The following XYLT2 variants were observed in gnomAD, a reference collection of about 807,000 sequenced individuals.
The protein encoded by XYLT2 is UDP-D-xylose:proteoglycan core protein beta-D-xylosyltransferase.
Under a neutral mutation model 82.6 loss-of-function variants are expected in XYLT2, and 37 were observed. The observed-to-expected ratio is 0.45, with a 90% CI of 0.34 to 0.59. XYLT2 has a LOEUF of 0.59. Among genes scored for constraint, XYLT2 ranks in the 20% least tolerant of loss-of-function variants. The pLI is 0.01. For missense variants in XYLT2, 934 were observed against 1,181.3 expected, an observed-to-expected ratio of 0.79 and a Z score of 3.07; for synonymous variants, 474 against 499.0, an observed-to-expected ratio of 0.95 and a Z score of 0.67.
rs542462503 is a variant in XYLT2, at chr17:50,356,751, C to G, written c.1723C>G (p.Pro575Ala). ...SLHHAATAAP[P>A]MGTPLCRFEP... ...GCACCATGCCGCCACTGCTGCACCC[C>G]CAATGGGCACCCCACTCTGCAGGTG... Residue 575 changes from proline (P) to alanine (A), a missense_variant, in exon 8 of 11, where the codon CCA becomes GCA. By Grantham distance (27) the Pro-to-Ala change is conservative. Transcript: ENST00000017003. 6.2e-7 allele frequency: 1 copy of G among 1,604,634 alleles called. No individual in the cohort carries two copies. Among genetic ancestry groups the G allele is most frequent in the East Asian group, 2.2e-5 (1 of 44,866 alleles).
rs1912069045 is a variant in XYLT2, at chr17:50,346,976, T to C, written c.135+701T>C. On this transcript the variant is annotated intron_variant, in intron 1 of 10. Transcript: ENST00000017003. This position sits in a 1 kb window ranked among gnomAD's most constrained non-coding sequence, Gnocchi z 5.1. ...ACCTTAGGGAATTAGGGAGGGGCCC[T>C]CTGGCTTTAAGGGAATGGGGACTGT... is the stretch of plus-strand genomic sequence containing the variant. 5.1e-6 allele frequency: 5 copies of C among 977,372 alleles called. No individual in the cohort carries two copies. The highest frequency in any genetic ancestry group is 6.1e-6 in the Non-Finnish European group (5 of 822,738). 60.5% of individuals were successfully genotyped at this position (977,372 alleles called of 1,614,324 possible). A position where few individuals can be genotyped will look rare whatever the true frequency, so the allele number is the denominator to read the frequency against.
chr17:50,360,613 G>T lies in XYLT2; in HGVS notation c.*322G>T. 3.7e-6 allele frequency: 4 copies of T among 1,078,588 alleles called. No individual in the cohort carries two copies. The highest frequency in any genetic ancestry group is 4.5e-6 in the Non-Finnish European group (4 of 891,664). The allele number at this position is 1,078,588 out of a possible 1,614,324, so 66.8% of individuals were successfully genotyped here. ...TTTAATTTAAAAAGGAAAATGGGTGGTTGGGAGAGAAACTAGAACAGAAGA... is the reference window on the plus strand; with the variant it reads ...TTTAATTTAAAAAGGAAAATGGGTGTTTGGGAGAGAAACTAGAACAGAAGA... On this transcript the variant is annotated 3_prime_UTR_variant, in exon 11 of 11. Transcript: ENST00000017003.
intron 1 of XYLT2, among the ~76,000 whole-genome samples, chr17:50,353,016 G>C (rs182235498): frequency 8.5e-5 from 13 of 152,304 alleles, no homozygotes; most frequent in African/African-American, 3.1e-4. Context: ...CGTTCACAGG[G>C]GTACCCGCAG....
At chr17:50,349,531 T>C (rs1912168105) in intron 1 of XYLT2, among the ~76,000 whole-genome samples, 1 of 152,146 alleles carries the variant, frequency 6.6e-6, no homozygotes, top group Non-Finnish European at 1.5e-5. Flanking sequence ...GGAGAAGCGC[T>C]TGAGTCCAGG....
chr17:50,357,989 T>C, intron 9 of XYLT2: 1 of 570,940 alleles, frequency 1.8e-6, no homozygotes, highest in South Asian at 2.4e-5. Flanking sequence ...GGGACTGACC[T>C]CCACTGCCTA....
At chr17:50,351,121 G>A (rs1341094798) in intron 1 of XYLT2, among the ~76,000 whole-genome samples, 2 of 152,160 alleles carry the variant, frequency 1.3e-5, no homozygotes, top group East Asian at 1.9e-4. Context: ...TTTGGAGCAG[G>A]GGAGTGGTGA....
At chr17:50,350,995 C>T (rs1230630436) in intron 1 of XYLT2, among the ~76,000 whole-genome samples, 1 of 152,008 alleles carries the variant, frequency 6.6e-6, no homozygotes, top group Non-Finnish European at 1.5e-5. Context: ...TGACAAATTC[C>T]CAGATGAGGT....
At position 50,354,357 on chromosome 17, in the gene XYLT2, C is replaced by T. The variant is rs746664982; in HGVS notation, c.629-51C>T. ...GCAGCTCCCTCTTCCCATCTCACCC[C>T]CACCCTGTGACCTAGGGTGGGCCTC... is the stretch of plus-strand genomic sequence containing the variant. On this transcript the variant is annotated intron_variant, in intron 2 of 10. Coordinates refer to ENST00000017003, the MANE Select transcript of XYLT2 (RefSeq NM_022167.4). 46 of 1,547,730 alleles carry T rather than the reference C, an allele frequency of 3.0e-5. 1 individual carries two copies. The highest frequency in any genetic ancestry group is 5.2e-6 in the Non-Finnish European group (6 of 1,149,086).
chr17:50,346,634 C>T lies in XYLT2; in HGVS notation c.135+359C>T, dbSNP rs1313556332. The stretch of plus-strand genomic sequence containing the variant: ...CCGAACCTGCTCGGAGGTGGGGAGC[C>T]CCAGGCCAAACTTTCTGAAGTTGGG... On this transcript the variant is annotated intron_variant, in intron 1 of 10. Transcript: ENST00000017003. The surrounding 1 kb of genome is among the most constrained non-coding windows in gnomAD (Gnocchi z 5.1). 1 of 985,216 alleles carries T rather than the reference C, an allele frequency of 1.0e-6. No homozygotes were observed. 61.0% of individuals were successfully genotyped at this position (985,216 alleles called of 1,614,324 possible).
Position 50,356,500 on chromosome 17 carries a change from T to C in XYLT2, c.1483-11T>C, listed in dbSNP as rs753700873. 1 of 1,613,172 alleles carries C rather than the reference T, an allele frequency of 6.2e-7. No individual in the cohort carries two copies. Among genetic ancestry groups the C allele is most frequent in the Non-Finnish European group, 8.5e-7 (1 of 1,179,628 alleles). On this transcript the variant is annotated splice_polypyrimidine_tract_variant and intron_variant, in intron 7 of 10. Transcript: ENST00000017003. ...CAGAGCCCTTCACCCTCCTTGCCTC[T>C]CCCACTCCAGCAAGTCTCCAGACCC...
intron 7 of XYLT2, 124 bp downstream of exon 7, chr17:50,356,385 CT>C: frequency 6.5e-7 from 1 of 1,547,608 alleles, no homozygotes; most frequent in Non-Finnish European, 8.8e-7. Flanking sequence ...CCTCAGGGGT[CT>C]GGGGCTACAA....
At chr17:50,349,796 C>A (rs572632600) in intron 1 of XYLT2, among the ~76,000 whole-genome samples, 178 of 152,218 alleles carry the variant, frequency 1.2e-3, no homozygotes, top group African/African-American at 3.8e-3. Context: ...GAACCCAACC[C>A]AGCCGAGTCC....
At chr17:50,351,536 AGG>A (rs1912267612) in intron 1 of XYLT2, among the ~76,000 whole-genome samples, 1 of 152,172 alleles carries the variant, frequency 6.6e-6, no homozygotes, top group Non-Finnish European at 1.5e-5. Context: ...CGGGAGGCTG[AGG>A]CAGGAGAATC....
intron 1 of XYLT2, among the ~76,000 whole-genome samples, chr17:50,352,308 G>A (rs1912307523): frequency 6.6e-6 from 1 of 152,220 alleles, no homozygotes; most frequent in Non-Finnish European, 1.5e-5. Flanking sequence ...AGGCTCTAGA[G>A]TGTTCACATG....
At chr17:50,353,501 A>C in intron 1 of XYLT2, 129 bp from the exon 2 acceptor site, 3 of 1,404,414 alleles carry the variant, frequency 2.1e-6, no homozygotes, top group Non-Finnish European at 2.8e-6. Flanking sequence ...CCTTAGGTGA[A>C]AAGCGCTTCT....
rs764112521 is a variant in XYLT2, at chr17:50,355,578, C to T, written c.1085C>T (p.Ser362Phe). The change falls in exon 5 of 11, where the codon TCC (serine) becomes TTC (phenylalanine). Residue 362 changes from serine to phenylalanine, a missense_variant. By Grantham distance (155) the Ser-to-Phe change is radical (BLOSUM62 -2). Coordinates refer to ENST00000017003, the MANE Select transcript of XYLT2 (RefSeq NM_022167.4). ...NFLKSHGRDN[S>F]RFIKKQGLDR... ...CTCAAGTCACATGGCCGGGACAACT[C>T]CAGGTGAGGGGGTGGGGAAGGAGGC... is the stretch of plus-strand genomic sequence containing the variant. The T allele has an allele frequency of 6.2e-7, 1 of 1,614,050 alleles. No individual in the cohort carries two copies. Among genetic ancestry groups the T allele is most frequent in the Non-Finnish European group, 8.5e-7 (1 of 1,179,978 alleles).
At chr17:50,349,023 C>G (rs1050053076) in intron 1 of XYLT2, among the ~76,000 whole-genome samples, 2 of 152,306 alleles carry the variant, frequency 1.3e-5, no homozygotes, top group East Asian at 3.9e-4. Flanking sequence ...CTCCTCATCC[C>G]CCAGCCTCCT....
intron 2 of XYLT2, 53 bp from the exon 3 acceptor site, chr17:50,354,355 C>T (rs567557506): frequency 1.9e-6 from 3 of 1,544,778 alleles, no homozygotes; most frequent in South Asian, 2.4e-5. Context: ...CCCATCTCAC[C>T]CCCACCCTGT....
At position 50,360,471 on chromosome 17, in the gene XYLT2, T is replaced by C. The variant is rs764832202; in HGVS notation, c.*180T>C. 13 of 1,346,500 alleles carry C rather than the reference T, an allele frequency of 9.7e-6. No individual in the cohort carries two copies. The highest frequency in any genetic ancestry group is 2.1e-5 in the South Asian group (1 of 48,584). The allele number at this position is 1,346,500 out of a possible 1,614,324, so 83.4% of individuals were successfully genotyped here. A position where few individuals can be genotyped will look rare whatever the true frequency, so the allele number is the denominator to read the frequency against. ...GTATGAACTACTGCTGATGTCTCTGTTGGGGATCAGAGGGCTGGCGGGAAC... is the reference window on the plus strand; with the variant it reads ...GTATGAACTACTGCTGATGTCTCTGCTGGGGATCAGAGGGCTGGCGGGAAC... On this transcript the variant is annotated 3_prime_UTR_variant, in exon 11 of 11. Coordinates refer to ENST00000017003, the MANE Select transcript of XYLT2 (RefSeq NM_022167.4).
Sources: gnomAD v4.1 joint callset for allele counts (sites outside exome capture counted in the v4.1 genomes callset) on GRCh38, gnomAD v4.1.1 for gene constraint, Gnocchi (gnomAD v3.1) non-coding constraint, MANE v1.5 for transcripts, NCBI Gene and HGNC (gene_info 2026-07-23, HGNC 2026-07-21) for gene names.